Variants in VRK1 observed in about 807,000 individuals in gnomAD.
VRK1 encodes the protein serine/threonine-protein kinase VRK1.
In VRK1, 33 loss-of-function variants were observed where a neutral mutation model predicts 57.1. The observed-to-expected ratio is 0.58, with a 90% CI of 0.44 to 0.77. The LOEUF is 0.77. Among genes scored for constraint, VRK1 ranks in the 30% least tolerant of loss-of-function variants. The pLI is 0.00. For synonymous variants in VRK1, 137 were observed against 147.8 expected (o/e 0.93, Z 0.53); for missense variants, 413 against 477.3 (o/e 0.87, Z 1.25).
intron 3 of VRK1, among the ~76,000 whole-genome samples, chr14:96,844,868 G>A (rs1356849869): frequency 6.6e-6 from 1 of 152,148 alleles, no homozygotes; most frequent in Non-Finnish European, 1.5e-5. Context: ...ACTTTAATTG[G>A]GGATTCCTAT....
At chr14:96,823,817 T>G (rs532775558) in intron 1 of VRK1, among the ~76,000 whole-genome samples, 1 of 152,242 alleles carries the variant, frequency 6.6e-6, no homozygotes, top group Non-Finnish European at 1.5e-5. Context: ...TTAGCATAAC[T>G]GTCCTCAAGA....
chr14:96,824,617 AAAAG>A (rs1886728747), intron 1 of VRK1, among the ~76,000 whole-genome samples: 1 of 152,200 alleles, frequency 6.6e-6, no homozygotes, highest in African/African-American at 2.4e-5. Flanking sequence ...ATTGAAAGGG[AAAAG>A]AAAGGATGAT....
intron 1 of VRK1, among the ~76,000 whole-genome samples, chr14:96,804,038 A>G (rs1413778033): frequency 6.6e-6 from 1 of 152,206 alleles, no homozygotes; most frequent in Non-Finnish European, 1.5e-5. Context: ...GTTAAAGTCC[A>G]ACTTCTCAAT....
At chr14:96,813,957 TA>T (rs1349551008) in intron 1 of VRK1, among the ~76,000 whole-genome samples, 1 of 152,170 alleles carries the variant, frequency 6.6e-6, no homozygotes, top group East Asian at 1.9e-4. Flanking sequence ...ACCTTTGTTT[TA>T]TGGTTATCCT....
intron 1 of VRK1, among the ~76,000 whole-genome samples, chr14:96,829,877 A>G (rs1405166201): frequency 6.6e-6 from 1 of 152,052 alleles, no homozygotes; most frequent in African/African-American, 2.4e-5. Context: ...TTCTTTAGTC[A>G]TTTTGGATAT....
At chr14:96,833,402 A>T in intron 1 of VRK1, 65 bp from the exon 2 acceptor site, 1 of 1,596,078 alleles carries the variant, frequency 6.3e-7, no homozygotes, top group Non-Finnish European at 8.5e-7. Context: ...AGTTTTCCTT[A>T]GGGAAAAATG....
At chr14:96,850,685 G>A (rs1887912098) in intron 5 of VRK1, among the ~76,000 whole-genome samples, 1 of 152,164 alleles carries the variant, frequency 6.6e-6, no homozygotes, top group Admixed American at 6.5e-5. Flanking sequence ...CTGTTACAGA[G>A]GTTGTATTTT....
At chr14:96,871,640 G>A (rs1274848294) in intron 11 of VRK1, among the ~76,000 whole-genome samples, 1 of 152,134 alleles carries the variant, frequency 6.6e-6, no homozygotes, top group Non-Finnish European at 1.5e-5. Context: ...GAAAATGACA[G>A]TGCCAGGCAC....
intron 11 of VRK1, among the ~76,000 whole-genome samples, chr14:96,863,383 G>C (rs1888463145): frequency 6.6e-6 from 1 of 152,132 alleles, no homozygotes; most frequent in Admixed American, 6.5e-5. Flanking sequence ...GGTCTCTAGG[G>C]CTACGGAGAT....
chr14:96,809,668 G>A (rs55696631), intron 1 of VRK1, among the ~76,000 whole-genome samples: 9,604 of 150,912 alleles, frequency 0.064, 344 homozygotes, highest in South Asian at 0.11. Flanking sequence ...TGCCTCCCAG[G>A]TTCAAGTGAT....
intron 3 of VRK1, among the ~76,000 whole-genome samples, chr14:96,839,233 T>G (rs1054910054): frequency 2.0e-5 from 3 of 152,170 alleles, no homozygotes; most frequent in African/African-American, 7.2e-5. Flanking sequence ...TATCAATCAT[T>G]TGTTTCATTT....
chr14:96,879,601 C>T (rs1451371288), intron 12 of VRK1, among the ~76,000 whole-genome samples: 1 of 152,102 alleles, frequency 6.6e-6, no homozygotes, highest in East Asian at 1.9e-4. Flanking sequence ...ACTATCGCAG[C>T]ATTTTCAGTT....
intron 1 of VRK1, among the ~76,000 whole-genome samples, chr14:96,805,527 GT>G (rs1885837465): frequency 6.6e-6 from 1 of 152,122 alleles, no homozygotes; most frequent in African/African-American, 2.4e-5. Context: ...CTCCCCTGCC[GT>G]TTATCTGTGG....
intron 1 of VRK1, among the ~76,000 whole-genome samples, chr14:96,816,739 C>A (rs938995475): frequency 6.6e-6 from 1 of 151,922 alleles, no homozygotes; most frequent in African/African-American, 2.4e-5. Context: ...CAGCAAAATT[C>A]AAAATGGGAA....
chr14:96,857,072 G>A lies in VRK1; in HGVS notation c.889+486G>A, dbSNP rs544345353. On this transcript the variant is annotated intron_variant, in intron 10 of 12. Coordinates refer to ENST00000216639, the MANE Select transcript of VRK1 (RefSeq NM_003384.3). ...GAAGCAAATTTCATTCATACATTAA[G>A]TTAGTAAATATTGAGGCTTTATTGT... Among the ~76,000 whole-genome samples, 6 of 152,310 alleles carry A rather than the reference G, an allele frequency of 3.9e-5. No homozygotes were observed. The East Asian group carries it at 1.2e-3, about 29-fold the overall frequency.
intron 1 of VRK1, among the ~76,000 whole-genome samples, chr14:96,817,431 G>A (rs1886436806): frequency 1.3e-5 from 2 of 151,426 alleles, no homozygotes; most frequent in African/African-American, 4.9e-5. Context: ...TTTCTTTATG[G>A]CTTGCGTGTT....
In VRK1 at chr14:96,881,178, T is replaced by G; in HGVS notation, c.1161T>G (p.Arg387=). Residue 387 remains arginine, a splice_region_variant and synonymous_variant, in exon 13 of 13, where the codon CGT becomes CGG. Coordinates refer to ENST00000216639, the MANE Select transcript of VRK1 (RefSeq NM_003384.3). ...CAGTTTCTTTGATTTTTCTTCAAGG[T>G]TCAAGAACCAGAAAGAGAGTCCAGA... is the stretch of plus-strand genomic sequence containing the variant. ...NTQTEEAIQT[R]SRTRKRVQK is the part of the protein sequence containing the mutation. The G allele has an allele frequency of 6.2e-7, 1 of 1,605,618 alleles. No individual in the cohort carries two copies. The highest frequency in any genetic ancestry group is 1.1e-5 in the South Asian group (1 of 89,558).
At chr14:96,797,917 GA>G (rs1254585763) in intron 1 of VRK1, among the ~76,000 whole-genome samples, 2 of 152,242 alleles carry the variant, frequency 1.3e-5, no homozygotes, top group East Asian at 3.9e-4. Flanking sequence ...TGCTTTCTTA[GA>G]AACGGGACAG....
intron 5 of VRK1, among the ~76,000 whole-genome samples, chr14:96,851,787 G>T (rs931411184): frequency 1.3e-5 from 2 of 152,178 alleles, no homozygotes; most frequent in Non-Finnish European, 2.9e-5. Flanking sequence ...TGTAAAATGG[G>T]TATGATAGGA....
Sources: allele counts gnomAD v4.1 joint callset (sites outside exome capture counted in the v4.1 genomes callset), GRCh38; gene constraint gnomAD v4.1.1; transcripts MANE v1.5; gene names NCBI Gene and HGNC (gene_info 2026-07-23, HGNC 2026-07-21).